The following BAZ2B variants were observed in gnomAD, a reference collection of about 807,000 sequenced individuals.
The protein encoded by BAZ2B is bromodomain adjacent to zinc finger domain 2B, also known as bromodomain adjacent to zinc finger domain protein 2B.
BAZ2B carries 91 observed loss-of-function variants against 246.0 expected under a neutral mutation model. The ratio of observed to expected loss-of-function variants is 0.37; its 90% CI spans 0.31 to 0.44. BAZ2B has a LOEUF of 0.44. BAZ2B is among the 20% of genes least tolerant of loss of function. The probability of loss-of-function intolerance (pLI) is 1.00; values close to 1 mark genes in which losing one functional copy is unlikely to be tolerated. For missense variants in BAZ2B, 2,332 were observed against 2,533.7 expected (o/e 0.92, Z 1.71); for synonymous variants, 855 against 860.0 (o/e 0.99, Z 0.10).
At chr2:159,386,861 G>C (rs905029581) in intron 21 of BAZ2B, among the ~76,000 whole-genome samples, 2 of 151,998 alleles carry the variant, frequency 1.3e-5, no homozygotes, top group African/African-American at 2.4e-5. Flanking sequence ...TATGAACTTA[G>C]ATCTTTGCAA....
intron 6 of BAZ2B, among the ~76,000 whole-genome samples, chr2:159,441,960 A>G (rs2073482747): frequency 6.6e-6 from 1 of 152,212 alleles, no homozygotes; most frequent in Non-Finnish European, 1.5e-5. Flanking sequence ...TACATATTCA[A>G]GGCTATGATG....
At chr2:159,598,924 AATAC>A (rs929529341) in intron 1 of BAZ2B, among the ~76,000 whole-genome samples, 1 of 151,870 alleles carries the variant, frequency 6.6e-6, no homozygotes, top group Non-Finnish European at 1.5e-5. Context: ...CTGTCTCATA[AATAC>A]ATACATACAT....
intron 13 of BAZ2B, among the ~76,000 whole-genome samples, chr2:159,421,196 A>T (rs2068684090): frequency 6.6e-6 from 1 of 150,944 alleles, no homozygotes; most frequent in South Asian, 2.1e-4. Context: ...TTAATTAGAG[A>T]CAGGGTCTCA....
intron 25 of BAZ2B, 76 bp from the exon 26 acceptor site, chr2:159,374,829 T>A: frequency 7.6e-7 from 1 of 1,320,974 alleles, no homozygotes; most frequent in Admixed American, 1.8e-5. Context: ...TTAATGAAAG[T>A]CTCCTATAGG....
intron 36 of BAZ2B, 79 bp downstream of exon 36, chr2:159,324,732 A>C (rs2063219791): frequency 9.8e-7 from 1 of 1,021,122 alleles, no homozygotes; most frequent in African/African-American, 1.7e-5. Context: ...TAATTAAAAT[A>C]TCTTTGGCTC....
chr2:159,338,700 A>G (rs1187214775), intron 31 of BAZ2B, among the ~76,000 whole-genome samples: 2 of 152,198 alleles, frequency 1.3e-5, no homozygotes, highest in Non-Finnish European at 2.9e-5. Context: ...TTCCACAAAC[A>G]TGAGATAAGC....
At chr2:159,418,179 T>C (rs971742975) in intron 13 of BAZ2B, among the ~76,000 whole-genome samples, 2 of 152,228 alleles carry the variant, frequency 1.3e-5, no homozygotes, top group African/African-American at 2.4e-5. Flanking sequence ...AAAACAAATT[T>C]ATTGCTCAAC....
At chr2:159,419,323 T>C (rs2068316392) in intron 13 of BAZ2B, among the ~76,000 whole-genome samples, 3 of 152,280 alleles carry the variant, frequency 2.0e-5, no homozygotes, top group Admixed American at 2.0e-4. Context: ...TATCAGATAT[T>C]TGCGACGAAA....
At chr2:159,626,586 T>A in the BAZ2B span, among the ~76,000 whole-genome samples, 3 of 152,088 alleles carry the variant, frequency 2.0e-5, no homozygotes, top group East Asian at 5.8e-4. Flanking sequence ...ATAACAACAT[T>A]AAGGCAGAAA....
intron 1 of BAZ2B, among the ~76,000 whole-genome samples, chr2:159,611,460 A>G (rs1694704750): frequency 6.6e-6 from 1 of 151,908 alleles, no homozygotes; most frequent in South Asian, 2.1e-4. Flanking sequence ...AGAAAGCATA[A>G]TGTCTGAATA....
Position 159,432,800 on chromosome 2 carries a change from A to C in BAZ2B, c.1857T>G (p.Asp619Glu), listed in dbSNP as rs200635533. The change falls in exon 9 of 37, where the codon GAT (aspartate) becomes GAG (glutamate). Residue 619 changes from aspartate to glutamate, a missense_variant. Around this residue, in one of 9 missense-constraint regions of BAZ2B, gnomAD observed 651 missense variants for 650.9 expected, o/e 1.00. Coordinates refer to ENST00000392783, the MANE Select transcript of BAZ2B (RefSeq NM_013450.4). The stretch of plus-strand genomic sequence containing the variant: ...ATTCATCATCTTCATCATCTTCCTC[A>C]TCTTCTTCTTCATCATCTTCCTCTT... The part of the protein sequence containing the change: ...EDEEEDDEEE[D>E]EEDDEDDESD... The C allele has an allele frequency of 2.4e-4, 388 of 1,613,444 alleles. No homozygotes were observed. The highest frequency in any genetic ancestry group is 3.0e-4 in the Non-Finnish European group (357 of 1,179,618).
rs1486097847 is a variant in BAZ2B, at chr2:159,553,177, T to C, written c.-3+2646A>G. 2.0e-5 allele frequency among the ~76,000 whole-genome samples: 3 copies of C among 151,808 alleles called. No individual in the cohort carries two copies. The East Asian group carries it at 5.8e-4, about 29-fold the overall frequency. ...TGAGAGGCCAAGGCGGGTAGATCAC[T>C]TGAGGTCAGGAGTTCGAGGCCAGCC... is the stretch of plus-strand genomic sequence containing the variant. On this transcript the variant is annotated intron_variant, in intron 2 of 36. Transcript: ENST00000392783.
chr2:159,581,888 C>G (rs1686879704), intron 1 of BAZ2B, among the ~76,000 whole-genome samples: 1 of 131,220 alleles, frequency 7.6e-6, no homozygotes, highest in South Asian at 2.3e-4. Context: ...CACTTGGACA[C>G]AGAGTCAGGA....
chr2:159,336,910 A>C, intron 33 of BAZ2B, 32 bp downstream of exon 33: 1 of 1,518,472 alleles, frequency 6.6e-7, no homozygotes, highest in Non-Finnish European at 9.0e-7. Flanking sequence ...AAAGTAAATT[A>C]GTTATAATAT....
In BAZ2B at chr2:159,324,879, A is replaced by C; in HGVS notation, c.6285T>G (p.Pro2095=). The C allele has an allele frequency of 6.4e-7, 1 of 1,555,904 alleles. No homozygotes were observed. The highest frequency in any genetic ancestry group is 8.6e-7 in the Non-Finnish European group (1 of 1,158,752). The change falls in exon 36 of 37, where the codon CCT becomes CCG. Residue 2095 remains proline (P), a synonymous_variant. Coordinates refer to ENST00000392783, the MANE Select transcript of BAZ2B (RefSeq NM_013450.4). The stretch of plus-strand genomic sequence containing the variant: ...GCTTCTTAATAACTTTCTTATAACC[A>C]GGAACAAGTTTCAAGTTTACAGGAA... The part of the protein sequence containing the change: ...FLLPVNLKLV[P]GYKKVIKKPM...
At chr2:159,346,187 T>C (rs2067754016) in intron 31 of BAZ2B, among the ~76,000 whole-genome samples, 1 of 152,160 alleles carries the variant, frequency 6.6e-6, no homozygotes, top group African/African-American at 2.4e-5. Context: ...CTTCCCAACG[T>C]TGGTAATTAC....
intron 13 of BAZ2B, among the ~76,000 whole-genome samples, chr2:159,412,772 A>G (rs1417348333): frequency 1.3e-5 from 2 of 152,198 alleles, no homozygotes; most frequent in African/African-American, 4.8e-5. Flanking sequence ...AATTAAATAT[A>G]TAGATTTGTA....
At chr2:159,478,826 T>C in intron 2 of BAZ2B, 105 bp from the exon 3 acceptor site, 1 of 812,840 alleles carries the variant, frequency 1.2e-6, no homozygotes, top group Non-Finnish European at 1.7e-6. Context: ...AATAAATTTC[T>C]AAATACATGT....
chr2:159,699,071 A>G, the BAZ2B span, among the ~76,000 whole-genome samples: 5 of 152,220 alleles, frequency 3.3e-5, no homozygotes, highest in Non-Finnish European at 5.9e-5. Context: ...GGATACCAGA[A>G]GTAGCATGTG....
Sources: allele counts gnomAD v4.1 joint callset (sites outside exome capture counted in the v4.1 genomes callset), GRCh38; gene constraint gnomAD v4.1.1; regional missense constraint gnomAD v4.1.1; transcripts MANE v1.5; gene names NCBI Gene and HGNC (gene_info 2026-07-23, HGNC 2026-07-21).